AJAP1: variants seen among roughly 807,000 people sequenced by gnomAD.
AJAP1 encodes adherens junctions associated protein 1.
A neutral mutation model predicts 35.0 loss-of-function variants in AJAP1; 5 were observed. The ratio of observed to expected loss-of-function variants is 0.14; its 90% CI spans 0.07 to 0.30. The LOEUF (loss-of-function observed/expected upper bound fraction) is 0.30. AJAP1 is among the 10% of genes least tolerant of loss of function. The probability of loss-of-function intolerance (pLI) is 1.00; values close to 1 mark genes in which losing one functional copy is unlikely to be tolerated. For synonymous variants in AJAP1, 284 were observed against 249.3 expected (o/e 1.14, Z -1.31); for missense variants, 586 against 571.0 (o/e 1.03, Z -0.27).
chr1:4,669,561 G>A (rs777847523), intron 1 of AJAP1, among the ~76,000 whole-genome samples: 9 of 152,100 alleles, frequency 5.9e-5, no homozygotes, highest in African/African-American at 1.7e-4. Context: ...GAGGGAAACC[G>A]CTCCCATGAT....
chr1:4,742,990 C>T (rs1641103763), intron 2 of AJAP1, among the ~76,000 whole-genome samples: 1 of 152,194 alleles, frequency 6.6e-6, no homozygotes, highest in Non-Finnish European at 1.5e-5. Context: ...CACAAGTGTG[C>T]TAGCATGTTC....
At chr1:4,749,275 G>A (rs1641268149) in intron 2 of AJAP1, among the ~76,000 whole-genome samples, 1 of 152,196 alleles carries the variant, frequency 6.6e-6, no homozygotes, top group Admixed American at 6.5e-5. Context: ...ATGGAGTCAG[G>A]CACTGCCTCC....
intron 2 of AJAP1, among the ~76,000 whole-genome samples, chr1:4,744,169 C>A (rs1410155769): frequency 6.6e-6 from 1 of 152,176 alleles, no homozygotes; most frequent in African/African-American, 2.4e-5. Context: ...GGTGCAGCCA[C>A]GCATGTGTGG....
intron 3 of AJAP1, among the ~76,000 whole-genome samples, chr1:4,770,468 A>G (rs1033602092): frequency 6.6e-6 from 1 of 152,138 alleles, no homozygotes; most frequent in African/African-American, 2.4e-5. Context: ...CCTCCTAGAA[A>G]TTGGCCTACT....
At chr1:4,778,144 A>G (rs1192191077) in intron 5 of AJAP1, among the ~76,000 whole-genome samples, 2 of 152,202 alleles carry the variant, frequency 1.3e-5, no homozygotes, top group Non-Finnish European at 2.9e-5. Context: ...AGGCCAGCCG[A>G]GAATCTCCTT....
intron 1 of AJAP1, among the ~76,000 whole-genome samples, chr1:4,668,040 C>A (rs1639172089): frequency 6.6e-6 from 1 of 152,090 alleles, no homozygotes; most frequent in Non-Finnish European, 1.5e-5. Context: ...CATGATGAAA[C>A]CCCATCTCTA....
chr1:4,747,682 G>T (rs1164515454), intron 2 of AJAP1, among the ~76,000 whole-genome samples: 1 of 152,148 alleles, frequency 6.6e-6, no homozygotes. Context: ...CACAATTGCC[G>T]ACCTCAGATG....
intron 2 of AJAP1, among the ~76,000 whole-genome samples, chr1:4,752,223 GA>G (rs978812144): frequency 3.3e-5 from 5 of 151,682 alleles, no homozygotes; most frequent in African/African-American, 1.2e-4. Flanking sequence ...GGGACAGGGG[GA>G]TGAGAAGACA....
At chr1:4,765,576 T>C (rs906120407) in intron 2 of AJAP1, among the ~76,000 whole-genome samples, 4 of 152,092 alleles carry the variant, frequency 2.6e-5, no homozygotes, top group Non-Finnish European at 5.9e-5. Context: ...AAAAGTCCTT[T>C]CCACAGACCA....
In AJAP1 at chr1:4,713,272, G is replaced by A. The variant is rs145891399; in HGVS notation, c.829+573G>A. The stretch of plus-strand genomic sequence containing the variant: ...CTGGGTAAAAGGAAGAACTTCCTGC[G>A]GTGTTAACAGAACCTTCGCAGACAG... On this transcript the variant is annotated intron_variant, in intron 2 of 5. Transcript: ENST00000378191. Among the ~76,000 whole-genome samples the A allele has an allele frequency of 3.9e-3, 595 of 152,276 alleles. 3 individuals carry two copies. Among genetic ancestry groups the A allele is most frequent in the Non-Finnish European group, 7.2e-3 (489 of 68,024 alleles).
chr1:4,672,891 G>A (rs576609656), intron 1 of AJAP1, among the ~76,000 whole-genome samples: 1 of 152,336 alleles, frequency 6.6e-6, no homozygotes, highest in East Asian at 1.9e-4. Context: ...GAGTCCTTGG[G>A]TGCAGAGGTG....
rs116333641 is a variant in AJAP1 at position 4,742,798 on chromosome 1, T to G, written c.830-27055T>G. On this transcript the variant is annotated intron_variant, in intron 2 of 5. Coordinates refer to ENST00000378191, the MANE Select transcript of AJAP1 (RefSeq NM_018836.4). ...CAGGTAGAAAATGGTTTAGGGTTAGTACTTTTACTTTTCCCCAAAAGCCCT... is the reference window on the plus strand; with the variant it reads ...CAGGTAGAAAATGGTTTAGGGTTAGGACTTTTACTTTTCCCCAAAAGCCCT... Among the ~76,000 whole-genome samples, 562 of 152,284 alleles carry G rather than the reference T, an allele frequency of 3.7e-3. 4 individuals carry two copies. The highest frequency in any genetic ancestry group is 0.013 in the African/African-American group (536 of 41,556).
chr1:4,760,886 T>C (rs1226802122), intron 2 of AJAP1, among the ~76,000 whole-genome samples: 1 of 152,202 alleles, frequency 6.6e-6, no homozygotes, highest in Non-Finnish European at 1.5e-5. Flanking sequence ...TCTGGGATTC[T>C]TGGGGTCCTG....
intron 1 of AJAP1, among the ~76,000 whole-genome samples, chr1:4,660,335 G>A (rs538851186): frequency 6.6e-6 from 1 of 152,326 alleles, no homozygotes; most frequent in South Asian, 2.1e-4. Flanking sequence ...GGGAACGGAA[G>A]GAAAGAGGGT....
Position 4,655,403 on chromosome 1 carries a change from G to A in AJAP1, c.-23G>A. The A allele has an allele frequency of 6.4e-7, 1 of 1,557,082 alleles. No homozygotes were observed. The highest frequency in any genetic ancestry group is 1.2e-5 in the South Asian group (1 of 86,510). Reference sequence around the variant, plus strand: ...ATGGCCTGGGCGAGCCAGGTCTGAGGCCCCGCTCCCCGAAACGTGACCATG... The same window carrying A: ...ATGGCCTGGGCGAGCCAGGTCTGAGACCCCGCTCCCCGAAACGTGACCATG... On this transcript the variant is annotated 5_prime_UTR_variant, in exon 1 of 6. Transcript: ENST00000378191. The surrounding 1 kb of genome is among the most constrained non-coding windows in gnomAD (Gnocchi z 6.9).
rs113977097 is a variant in AJAP1 at position 4,737,257 on chromosome 1, A to ATGAGCC, written c.829+24579_829+24584dup. ...GCAGAGCAGAGAGTCGGGAAAAAGC[A>ATGAGCC]TGAGCCTGAGCCTGAGCCTGAGCCT... On this transcript the variant is annotated intron_variant, in intron 2 of 5. Coordinates refer to ENST00000378191, the MANE Select transcript of AJAP1 (RefSeq NM_018836.4). 4.1e-3 allele frequency among the ~76,000 whole-genome samples: 631 copies of ATGAGCC among 152,052 alleles called. 2 individuals carry two copies. The highest frequency in any genetic ancestry group is 7.6e-3 in the Non-Finnish European group (515 of 67,966).
rs1341898660 is a variant in AJAP1, at chr1:4,692,125, T to C, written c.30-19775T>C. Among the ~76,000 whole-genome samples the C allele has an allele frequency of 6.6e-6, 1 of 152,078 alleles. No individual in the cohort carries two copies. Among genetic ancestry groups the C allele is most frequent in the African/African-American group, 2.4e-5 (1 of 41,412 alleles). On this transcript the variant is annotated intron_variant, in intron 1 of 5. Coordinates refer to ENST00000378191, the MANE Select transcript of AJAP1 (RefSeq NM_018836.4). This position sits in a 1 kb window ranked among gnomAD's most constrained non-coding sequence, Gnocchi z 4.4. ...CGGCCGGCCCTGCGTGGATCTATTA[T>C]CTCTGCATCGTTGCCGCCTTCTCGA...
intron 1 of AJAP1, among the ~76,000 whole-genome samples, chr1:4,702,103 TAACGTGTCCCCAGTATTCC>T (rs931877316): frequency 3.3e-5 from 5 of 152,034 alleles, no homozygotes; most frequent in African/African-American, 9.7e-5. Flanking sequence ...CCCAGTATTC[TAACGTGTCCCCAGTATTCC>T]AACGTGTCCC....
At chr1:4,707,088 C>A (rs1424010445) in intron 1 of AJAP1, among the ~76,000 whole-genome samples, 1 of 152,042 alleles carries the variant, frequency 6.6e-6, no homozygotes, top group Non-Finnish European at 1.5e-5. Flanking sequence ...TCAGGGTGTC[C>A]CAGTGAGGAC....
Sources: gnomAD v4.1 joint callset for allele counts (sites outside exome capture counted in the v4.1 genomes callset) on GRCh38, gnomAD v4.1.1 for gene constraint, Gnocchi (gnomAD v3.1) non-coding constraint, MANE v1.5 for transcripts, NCBI Gene and HGNC (gene_info 2026-07-23, HGNC 2026-07-21) for gene names.